MACO1: variants seen among roughly 807,000 people sequenced by gnomAD.
The protein encoded by MACO1 is macoilin 1, also known as macoilin.
A neutral mutation model predicts 78.7 loss-of-function variants in MACO1; 14 were observed. The observed-to-expected ratio is 0.18, with a 90% CI of 0.12 to 0.28. The LOEUF is 0.28. MACO1 is among the 10% of genes least tolerant of loss of function. The pLI is 1.00. For synonymous variants in MACO1, 288 were observed against 291.6 expected (o/e 0.99, Z 0.12); for missense variants, 501 against 799.0 (o/e 0.63, Z 4.50).
intron 8 of MACO1, among the ~76,000 whole-genome samples, chr1:25,487,256 C>T (rs542837529): frequency 3.1e-4 from 47 of 152,220 alleles, no homozygotes; most frequent in African/African-American, 1.1e-3. Flanking sequence ...CAGGTTCAAG[C>T]GATTCTCCTG....
At chr1:25,487,266 G>C (rs2043442019) in intron 8 of MACO1, among the ~76,000 whole-genome samples, 1 of 152,140 alleles carries the variant, frequency 6.6e-6, no homozygotes, top group Non-Finnish European at 1.5e-5. Flanking sequence ...CGATTCTCCT[G>C]CCTCAGCCTC....
intron 5 of MACO1, among the ~76,000 whole-genome samples, chr1:25,457,827 A>G (rs36003018): frequency 0.42 from 63,143 of 152,080 alleles, 14,420 homozygotes; most frequent in East Asian, 0.73. Flanking sequence ...GTGTAGACCC[A>G]ATACACAAAA....
intron 1 of MACO1, among the ~76,000 whole-genome samples, chr1:25,436,451 A>G (rs944393361): frequency 6.6e-5 from 10 of 152,148 alleles, no homozygotes; most frequent in African/African-American, 2.4e-4. Flanking sequence ...CTCTTCAGAT[A>G]TACTGATTAG....
chr1:25,444,906 C>T (rs371380695), intron 1 of MACO1, among the ~76,000 whole-genome samples: 3 of 152,166 alleles, frequency 2.0e-5, no homozygotes, highest in East Asian at 1.9e-4. Flanking sequence ...GTGCATTGCT[C>T]TCCACTAGGT....
intron 10 of MACO1, among the ~76,000 whole-genome samples, chr1:25,493,977 C>T (rs936525622): frequency 2.6e-5 from 4 of 152,050 alleles, no homozygotes; most frequent in African/African-American, 4.8e-5. Context: ...GTGATCCACC[C>T]GCCTCGGCCT....
chr1:25,441,494 A>G (rs936633611), intron 1 of MACO1, among the ~76,000 whole-genome samples: 1 of 152,196 alleles, frequency 6.6e-6, no homozygotes, highest in Non-Finnish European at 1.5e-5. Context: ...CTCAACAAAT[A>G]TTTTTTGAGA....
intron 6 of MACO1, among the ~76,000 whole-genome samples, chr1:25,482,059 A>C (rs74063413): frequency 0.051 from 7,703 of 152,234 alleles, 611 homozygotes; most frequent in African/African-American, 0.17. Context: ...GTGCTTAATA[A>C]AACATGTCTC....
chr1:25,490,016 C>T (rs2043470816), intron 9 of MACO1, among the ~76,000 whole-genome samples: 1 of 151,894 alleles, frequency 6.6e-6, no homozygotes, highest in African/African-American at 2.4e-5. Context: ...TCTCATGCCA[C>T]ATATAAAGAA....
At chr1:25,454,488 AT>A (rs1166653485) in intron 4 of MACO1, 106 bp downstream of exon 4, 789 of 72,170 alleles carry the variant, frequency 0.011, 2 homozygotes, top group Non-Finnish European at 0.02. Flanking sequence ...ATATATATAT[AT>A]TTTTTTTTTT....
rs2043568817 is a variant in MACO1, at chr1:25,499,483, C to CT, written c.*1020dup. The stretch of plus-strand genomic sequence containing the variant: ...TGTTTTTTCATTTCATTTAACTGTG[C>CT]TTTCTCCACTTTTCATCATTTTGTG... On this transcript the variant is annotated 3_prime_UTR_variant, in exon 11 of 11. Coordinates refer to ENST00000374343, the MANE Select transcript of MACO1 (RefSeq NM_018202.6). The CT allele has an allele frequency of 6.9e-6, 1 of 145,784 alleles. No homozygotes were observed. Among genetic ancestry groups the CT allele is most frequent in the Admixed American group, 6.8e-5 (1 of 14,608 alleles). The allele number at this position is 145,784 out of a possible 1,614,324, so 9.0% of individuals were successfully genotyped here.
At chr1:25,437,256 G>A (rs2042927091) in intron 1 of MACO1, among the ~76,000 whole-genome samples, 1 of 146,246 alleles carries the variant, frequency 6.8e-6, no homozygotes, top group South Asian at 2.2e-4. Context: ...CACTTCAGCT[G>A]ACCGAGTAGC....
intron 3 of MACO1, among the ~76,000 whole-genome samples, chr1:25,451,932 C>CAA (rs200770971): frequency 2.2e-5 from 2 of 89,000 alleles, no homozygotes; most frequent in Admixed American, 2.6e-4. Context: ...ACTCTGTCTC[C>CAA]AAAAAAAAAA....
At chr1:25,451,820 C>G (rs1219371599) in intron 3 of MACO1, among the ~76,000 whole-genome samples, 2 of 151,594 alleles carry the variant, frequency 1.3e-5, no homozygotes, top group African/African-American at 4.8e-5. Context: ...GCAGGAAAAT[C>G]GCTTGAACCC....
At chr1:25,494,099 G>T (rs138077768) in intron 10 of MACO1, among the ~76,000 whole-genome samples, 2 of 152,234 alleles carry the variant, frequency 1.3e-5, no homozygotes, top group African/African-American at 4.8e-5. Context: ...ATTTCTAGAA[G>T]ACTCCACTTA....
At chr1:25,437,417 A>T (rs1191969536) in intron 1 of MACO1, among the ~76,000 whole-genome samples, 1 of 150,074 alleles carries the variant, frequency 6.7e-6, no homozygotes, top group Non-Finnish European at 1.5e-5. Flanking sequence ...TTGACCTCTC[A>T]AAGTACTGGG....
chr1:25,496,436 C>T (rs1296962451), intron 10 of MACO1, among the ~76,000 whole-genome samples: 2 of 152,132 alleles, frequency 1.3e-5, no homozygotes, highest in African/African-American at 4.8e-5. Flanking sequence ...GCATTAGCCA[C>T]CACACCTGGC....
In MACO1 at chr1:25,458,405, C is replaced by T. The variant is rs182729817; in HGVS notation, c.667C>T (p.Pro223Ser). 10 of 1,589,200 alleles carry T rather than the reference C, an allele frequency of 6.3e-6. No homozygotes were observed. In the East Asian group the frequency reaches 2.0e-4, roughly 32 times the overall value. Residue 223 changes from proline to serine, a missense_variant, in exon 6 of 11, where the codon CCT (proline) becomes TCT (serine). This residue lies in a region of MACO1 where 171 missense variants were observed against 292.1 expected (regional missense o/e 0.59). Transcript: ENST00000374343. ...KEAEEAAKGL[P>S]DMDSSILIHH... Reference sequence around the variant, plus strand: ...TGGTATTGTAGCAGCCAAAGGATTACCTGATATGGATTCTTCGATCCTTAT... The same window carrying T: ...TGGTATTGTAGCAGCCAAAGGATTATCTGATATGGATTCTTCGATCCTTAT...
chr1:25,482,693 G>A (rs1213685413), intron 6 of MACO1, among the ~76,000 whole-genome samples: 1 of 152,168 alleles, frequency 6.6e-6, no homozygotes, highest in African/African-American at 2.4e-5. Flanking sequence ...GGATGACATG[G>A]CTATAGTTTG....
chr1:25,436,074 T>A (rs2042916905), intron 1 of MACO1, among the ~76,000 whole-genome samples: 1 of 152,242 alleles, frequency 6.6e-6, no homozygotes, highest in Non-Finnish European at 1.5e-5. Context: ...GATAGTCTCC[T>A]TTTTCTTCAC....
Sources: allele counts gnomAD v4.1 joint callset (sites outside exome capture counted in the v4.1 genomes callset), GRCh38; gene constraint gnomAD v4.1.1; regional missense constraint gnomAD v4.1.1; transcripts MANE v1.5; gene names NCBI Gene and HGNC (gene_info 2026-07-23, HGNC 2026-07-21).